Variants in CD40 observed in about 807,000 individuals in gnomAD.
CD40 encodes the protein tumor necrosis factor receptor superfamily member 5.
A neutral mutation model predicts 38.5 loss-of-function variants in CD40; 19 were observed. The observed-to-expected ratio is 0.49, with a 90% CI of 0.34 to 0.72. CD40 has a LOEUF of 0.72. Ranked by LOEUF, CD40 falls within the 30% of genes least tolerant of loss-of-function variation. The pLI, the probability that CD40 is intolerant of heterozygous loss-of-function variation, is 0.01. For missense variants in CD40, 256 were observed against 344.1 expected, an observed-to-expected ratio of 0.74 and a Z score of 2.03; for synonymous variants, 130 against 128.7, an observed-to-expected ratio of 1.01 and a Z score of -0.07.
At chr20:46,125,800 C>T (rs1013075077) in intron 5 of CD40, among the ~76,000 whole-genome samples, 44 of 152,172 alleles carry the variant, frequency 2.9e-4, no homozygotes, top group Admixed American at 2.7e-3. Context: ...CTAGTGAAGT[C>T]GCCTGGTTGG....
Position 46,122,533 on chromosome 20 carries a change from A to G in CD40, c.257-77A>G. The G allele has an allele frequency of 6.2e-7, 1 of 1,601,186 alleles. No homozygotes were observed. The highest frequency in any genetic ancestry group is 8.6e-7 in the Non-Finnish European group (1 of 1,168,564). On this transcript the variant is annotated intron_variant, in intron 3 of 8. Transcript: ENST00000372285. This position sits in a 1 kb window ranked among gnomAD's most constrained non-coding sequence, Gnocchi z 5.0. The stretch of plus-strand genomic sequence containing the variant: ...TTGGAAGAGGGTCTGAGGAAGAAAG[A>G]GCAGGCAATGTGGGGAGTGAGGCTC...
chr20:46,124,464 A>G (rs1465650628), intron 5 of CD40, among the ~76,000 whole-genome samples: 1 of 152,068 alleles, frequency 6.6e-6, no homozygotes, highest in Non-Finnish European at 1.5e-5. Flanking sequence ...TTCCTTGCAT[A>G]TCCTTCCAGA....
chr20:46,129,229 A>G lies in CD40; in HGVS notation c.*189A>G. 1.5e-6 allele frequency: 1 copy of G among 654,644 alleles called. No homozygotes were observed. Among genetic ancestry groups the G allele is most frequent in the Admixed American group, 2.2e-5 (1 of 46,046 alleles). The allele number at this position is 654,644 out of a possible 1,614,324, so 40.6% of individuals were successfully genotyped here. A position where few individuals can be genotyped will look rare whatever the true frequency, so the allele number is the denominator to read the frequency against. On this transcript the variant is annotated 3_prime_UTR_variant, in exon 9 of 9. Transcript: ENST00000372285. ...TGGATGCAGAAACAGTTCACCTTGA[A>G]GAACCTCTCACTTCACCCTGGAGCC... is the stretch of plus-strand genomic sequence containing the variant.
intron 5 of CD40, among the ~76,000 whole-genome samples, chr20:46,123,530 G>T (rs1334622791): frequency 1.3e-5 from 2 of 152,134 alleles, no homozygotes; most frequent in Non-Finnish European, 2.9e-5. Flanking sequence ...TCCTCGTCTT[G>T]CTTTCACCTT....
At chr20:46,128,483 T>C (rs149938657) in intron 8 of CD40, 125 bp downstream of exon 8, 54 of 1,057,484 alleles carry the variant, frequency 5.1e-5, no homozygotes, top group Admixed American at 2.3e-4. Flanking sequence ...GGCAGCAGAA[T>C]TGGGGACTGT....
rs1406703700 is a variant in CD40 at position 46,122,352 on chromosome 20, G to A, written c.250G>A (p.Asp84Asn). 9 of 1,614,164 alleles carry A rather than the reference G, an allele frequency of 5.6e-6. No homozygotes were observed. The highest frequency in any genetic ancestry group is 3.3e-5 in the South Asian group (3 of 91,064). The change falls in exon 3 of 9, where the codon GAC (aspartate) becomes AAC (asparagine). Residue 84 changes from aspartate (D) to asparagine (N), a missense_variant. Physicochemically the swap from Asp to Asn is conservative, Grantham distance 23. Transcript: ENST00000372285. The surrounding 1 kb of genome is among the most constrained non-coding windows in gnomAD (Gnocchi z 5.0). ...ETHCHQHKYC[D>N]PNLGLRVQQK... ...ACACTGCCACCAGCACAAATACTGC[G>A]ACCCCAGTGCGTGCGCTGTTGGGAA...
At chr20:46,119,533 G>A (rs1254084772) in intron 1 of CD40, among the ~76,000 whole-genome samples, 1 of 152,190 alleles carries the variant, frequency 6.6e-6, no homozygotes, top group Non-Finnish European at 1.5e-5. Flanking sequence ...GGGGTGAAGG[G>A]TGTGATCCAG....
chr20:46,128,575 C>T (rs1469651293), intron 8 of CD40: 2 of 711,764 alleles, frequency 2.8e-6, no homozygotes, highest in East Asian at 5.4e-5. Context: ...GAGCCTAACA[C>T]TGGCTGTTCT....
chr20:46,122,934 C>T lies in CD40; in HGVS notation c.403+178C>T. 1 of 928,082 alleles carries T rather than the reference C, an allele frequency of 1.1e-6. No homozygotes were observed. Among genetic ancestry groups the T allele is most frequent in the Non-Finnish European group, 1.7e-6 (1 of 599,732 alleles). 57.5% of individuals were successfully genotyped at this position (928,082 alleles called of 1,614,324 possible). A position where few individuals can be genotyped will look rare whatever the true frequency, so the allele number is the denominator to read the frequency against. The stretch of plus-strand genomic sequence containing the variant: ...GGACCTTGTTCATTCTGCCTTCTGC[C>T]ATGGGGATCTGCCTTTGAAGGGCAA... On this transcript the variant is annotated intron_variant, in intron 4 of 8. Transcript: ENST00000372285. The surrounding 1 kb of genome is among the most constrained non-coding windows in gnomAD (Gnocchi z 5.0).
At chr20:46,118,555 G>A (rs534144179) in intron 1 of CD40, among the ~76,000 whole-genome samples, 161 bp downstream of exon 1, 2 of 152,168 alleles carry the variant, frequency 1.3e-5, no homozygotes, top group Non-Finnish European at 2.9e-5. Context: ...TGAATGGGGT[G>A]GGCTGCCTCT....
Position 46,122,011 on chromosome 20 carries a change from C to T in CD40, c.130+113C>T. 1 of 1,064,918 alleles carries T rather than the reference C, an allele frequency of 9.4e-7. No homozygotes were observed. Among genetic ancestry groups the T allele is most frequent in the South Asian group, 1.3e-5 (1 of 77,808 alleles). 66.0% of individuals were successfully genotyped at this position (1,064,918 alleles called of 1,614,324 possible). The stretch of plus-strand genomic sequence containing the variant: ...ATCTGAAACGACCCATTTCCCAGCC[C>T]TGCTTCACTGTCAGAATGTTCTGGT... On this transcript the variant is annotated intron_variant, in intron 2 of 8. Coordinates refer to ENST00000372285, the MANE Select transcript of CD40 (RefSeq NM_001250.6). This position sits in a 1 kb window ranked among gnomAD's most constrained non-coding sequence, Gnocchi z 5.0.
intron 5 of CD40, among the ~76,000 whole-genome samples, chr20:46,123,752 T>A (rs1288986303): frequency 6.6e-6 from 1 of 152,058 alleles, no homozygotes; most frequent in African/African-American, 2.4e-5. Context: ...CCTCTGTCTC[T>A]CCCCTCCTGC....
chr20:46,122,206 C>A lies in CD40; in HGVS notation c.131-27C>A. 1 of 1,614,018 alleles carries A rather than the reference C, an allele frequency of 6.2e-7. No homozygotes were observed. Among genetic ancestry groups the A allele is most frequent in the Non-Finnish European group, 8.5e-7 (1 of 1,179,932 alleles). ...TCTGACTCATGGAGTTGGCCAGAGCCCTCCCTCATTTCCTGATGTTTTCCA... is the reference window on the plus strand; with the variant it reads ...TCTGACTCATGGAGTTGGCCAGAGCACTCCCTCATTTCCTGATGTTTTCCA... On this transcript the variant is annotated intron_variant, in intron 2 of 8. Transcript: ENST00000372285. The surrounding 1 kb of genome is among the most constrained non-coding windows in gnomAD (Gnocchi z 5.0).
rs759793763 is a variant in CD40 at position 46,128,201 on chromosome 20, T to C, written c.623T>C (p.Ile208Thr). 1.9e-6 allele frequency: 3 copies of C among 1,613,184 alleles called. No homozygotes were observed. The highest frequency in any genetic ancestry group is 1.1e-5 in the South Asian group (1 of 91,026). Residue 208 changes from isoleucine to threonine, a missense_variant, in exon 7 of 9, where the codon ATC (isoleucine) becomes ACC (threonine). Ile to Thr is a moderately conservative substitution (Grantham distance 89, BLOSUM62 -1). Transcript: ENST00000372285. The stretch of plus-strand genomic sequence containing the variant: ...ATCATCTTCGGGATCCTGTTTGCCA[T>C]CCTCTTGGTGCTGGTCTTTATCAGT... ...IPIIFGILFA[I>T]LLVLVFIKKV...
chr20:46,120,036 G>A (rs998016172), intron 1 of CD40, among the ~76,000 whole-genome samples: 7 of 152,110 alleles, frequency 4.6e-5, no homozygotes, highest in African/African-American at 1.7e-4. Flanking sequence ...AGCTGGTGGG[G>A]GGCAGTAGCC....
Position 46,129,724 on chromosome 20 carries a change from G to A in CD40, c.*684G>A, listed in dbSNP as rs889809142. 6.6e-6 allele frequency: 1 copy of A among 152,386 alleles called. No individual in the cohort carries two copies. The highest frequency in any genetic ancestry group is 2.4e-5 in the African/African-American group (1 of 41,414). 9.4% of individuals were successfully genotyped at this position (152,386 alleles called of 1,614,324 possible). A position where few individuals can be genotyped will look rare whatever the true frequency, so the allele number is the denominator to read the frequency against. ...AGCTCGAAGAGTGGTGACGTCTGGG[G>A]TGGGGAAGAAGGGTCTGGGGGAGGG... On this transcript the variant is annotated 3_prime_UTR_variant, in exon 9 of 9. Coordinates refer to ENST00000372285, the MANE Select transcript of CD40 (RefSeq NM_001250.6).
At chr20:46,121,798 A>T in intron 1 of CD40, 22 bp from the exon 2 acceptor site, 1 of 1,595,822 alleles carries the variant, frequency 6.3e-7, no homozygotes, top group Non-Finnish European at 8.6e-7. Flanking sequence ...GATCCCTTCA[A>T]ATTGCACAAT....
chr20:46,128,012 GT>G, intron 6 of CD40, 125 bp from the exon 7 acceptor site: 1 of 1,580,844 alleles, frequency 6.3e-7, no homozygotes, highest in Non-Finnish European at 8.6e-7. Flanking sequence ...AAGGACCGCG[GT>G]TTGAACCTTC....
At position 46,129,025 on chromosome 20, in the gene CD40, G is replaced by C; in HGVS notation, c.819G>C (p.Val273=). 2 of 1,614,162 alleles carry C rather than the reference G, an allele frequency of 1.2e-6. No homozygotes were observed. Among genetic ancestry groups the C allele is most frequent in the Non-Finnish European group, 1.7e-6 (2 of 1,180,042 alleles). Residue 273 remains valine, a synonymous_variant, in exon 9 of 9, where the codon GTG becomes GTC. Transcript: ENST00000372285. ...ATGGCAAAGAGAGTCGCATCTCAGTGCAGGAGAGACAGTGAGGCTGCACCC... is the reference window on the plus strand; with the variant it reads ...ATGGCAAAGAGAGTCGCATCTCAGTCCAGGAGAGACAGTGAGGCTGCACCC... ...QEDGKESRIS[V]QERQ
Sources: allele counts gnomAD v4.1 joint callset (sites outside exome capture counted in the v4.1 genomes callset), GRCh38; gene constraint gnomAD v4.1.1; non-coding constraint Gnocchi (gnomAD v3.1); transcripts MANE v1.5; gene names NCBI Gene and HGNC (gene_info 2026-07-23, HGNC 2026-07-21).